PCBD2: variants seen among roughly 807,000 people sequenced by gnomAD.
PCBD2 encodes pterin-4-alpha-carbinolamine dehydratase 2.
PCBD2 carries 12 observed loss-of-function variants against 16.4 expected under a neutral mutation model. The observed-to-expected ratio is 0.73, with a 90% confidence interval of 0.47 to 1.19. The LOEUF is 1.19. PCBD2 is among the 50% of genes most tolerant of loss of function. The pLI is 0.00. For missense variants in PCBD2, 138 were observed against 156.8 expected, an observed-to-expected ratio of 0.88 and a Z score of 0.64; for synonymous variants, 58 against 61.8, an observed-to-expected ratio of 0.94 and a Z score of 0.29.
At chr5:134,955,982 T>G (rs990648658) in intron 2 of PCBD2, among the ~76,000 whole-genome samples, 1 of 152,244 alleles carries the variant, frequency 6.6e-6, no homozygotes, top group Non-Finnish European at 1.5e-5. Context: ...TCTTATTCAG[T>G]CATCTAAATT....
chr5:134,916,754 C>G (rs1328086834), intron 2 of PCBD2, among the ~76,000 whole-genome samples: 1 of 152,194 alleles, frequency 6.6e-6, no homozygotes, highest in African/African-American at 2.4e-5. Context: ...ATTCTCCTAG[C>G]ATAGGTGGAT....
At chr5:134,926,718 T>G (rs769864696) in intron 2 of PCBD2, 6 of 397,186 alleles carry the variant, frequency 1.5e-5, no homozygotes, top group Middle Eastern at 1.3e-3. Flanking sequence ...AGGGGATAGG[T>G]GTATGAACAT....
intron 2 of PCBD2, among the ~76,000 whole-genome samples, chr5:134,915,199 C>T (rs1464109498): frequency 6.6e-6 from 1 of 151,846 alleles, no homozygotes; most frequent in Non-Finnish European, 1.5e-5. Context: ...CCTGTAATCC[C>T]AGCTACTCAG....
At chr5:134,930,761 A>G (rs1320058786) in intron 2 of PCBD2, among the ~76,000 whole-genome samples, 3 of 152,132 alleles carry the variant, frequency 2.0e-5, no homozygotes, top group Admixed American at 6.5e-5. Context: ...AGTGGCAGAT[A>G]CTCGACCAAA....
chr5:134,929,994 C>T (rs995050209), intron 2 of PCBD2, among the ~76,000 whole-genome samples: 10 of 152,198 alleles, frequency 6.6e-5, no homozygotes, highest in Non-Finnish European at 1.2e-4. Context: ...GTTCCCAGCC[C>T]AGCCTTGTTT....
At chr5:134,928,370 G>T (rs775170628) in intron 2 of PCBD2, 1 of 372,660 alleles carries the variant, frequency 2.7e-6, no homozygotes, top group Non-Finnish European at 4.8e-6. Flanking sequence ...GAAATCATTC[G>T]TTTTGTTTGA....
At chr5:134,929,589 A>T (rs993539800) in intron 2 of PCBD2, among the ~76,000 whole-genome samples, 3 of 151,972 alleles carry the variant, frequency 2.0e-5, no homozygotes, top group Non-Finnish European at 4.4e-5. Flanking sequence ...CTTTATACAG[A>T]CCTGGTAGTC....
intron 2 of PCBD2, chr5:134,924,072 C>CA (rs1456073568): frequency 1.0e-5 from 4 of 396,950 alleles, no homozygotes; most frequent in Non-Finnish European, 1.8e-5. Context: ...AGTTGAAATA[C>CA]AATGATGGTT....
chr5:134,906,267 G>T (rs887391185), intron 1 of PCBD2, among the ~76,000 whole-genome samples: 4 of 137,840 alleles, frequency 2.9e-5, no homozygotes, highest in Middle Eastern at 3.6e-3. Flanking sequence ...GCAGTGGCGC[G>T]ATCTCGGCGT....
chr5:134,947,112 G>A (rs1336295093), intron 2 of PCBD2, among the ~76,000 whole-genome samples: 6 of 150,006 alleles, frequency 4.0e-5, no homozygotes, highest in Admixed American at 3.3e-4. Flanking sequence ...TTTTTTTTGA[G>A]ATGGAGTTTT....
chr5:134,958,099 G>A (rs1751435013), intron 2 of PCBD2, among the ~76,000 whole-genome samples: 1 of 152,116 alleles, frequency 6.6e-6, no homozygotes, highest in Non-Finnish European at 1.5e-5. Flanking sequence ...GGTGTAATGG[G>A]TATTGCCCTG....
In PCBD2 at chr5:134,923,992, C is replaced by A; in HGVS notation, c.216+13526C>A. 7.6e-6 allele frequency: 3 copies of A among 394,146 alleles called. No individual in the cohort carries two copies. The South Asian group carries it at 3.9e-4, about 52-fold the overall frequency. The allele number at this position is 394,146 out of a possible 1,614,324, so 24.4% of individuals were successfully genotyped here. On this transcript the variant is annotated intron_variant, in intron 2 of 3. Coordinates refer to ENST00000254908, the MANE Select transcript of PCBD2 (RefSeq NM_032151.5). ...GAGATATTGGATGGGGTGGGGAGGTCGATAAATGAGCGGTTAATTAATTTT... is the reference window on the plus strand; with the variant it reads ...GAGATATTGGATGGGGTGGGGAGGTAGATAAATGAGCGGTTAATTAATTTT...
intron 2 of PCBD2, among the ~76,000 whole-genome samples, chr5:134,917,277 G>A (rs1002248802): frequency 1.3e-5 from 2 of 152,252 alleles, no homozygotes; most frequent in Admixed American, 6.5e-5. Context: ...CAGGGCAGGA[G>A]CCCAGCCGGG....
chr5:134,958,981 C>A, intron 2 of PCBD2, 59 bp from the exon 3 acceptor site: 2 of 1,364,852 alleles, frequency 1.5e-6, no homozygotes, highest in Non-Finnish European at 1.0e-6. Flanking sequence ...TCTGTTGTGT[C>A]TCTCAGGCTT....
At chr5:134,951,293 A>G (rs1489321307) in intron 2 of PCBD2, among the ~76,000 whole-genome samples, 1 of 151,862 alleles carries the variant, frequency 6.6e-6, no homozygotes, top group Non-Finnish European at 1.5e-5. Flanking sequence ...TTATGCATAT[A>G]TTTTTTTTCA....
In PCBD2 at chr5:134,960,855, C is replaced by T. The variant is rs1751467316; in HGVS notation, c.*174C>T. The stretch of plus-strand genomic sequence containing the variant: ...GATCTCGGCTCACTGTAACCTCCGC[C>T]TCCCAGGTTCAGGTGATTCTCCTGC... On this transcript the variant is annotated 3_prime_UTR_variant, in exon 4 of 4. Coordinates refer to ENST00000254908, the MANE Select transcript of PCBD2 (RefSeq NM_032151.5). The T allele has an allele frequency of 3.9e-6, 2 of 513,046 alleles. No homozygotes were observed. Among genetic ancestry groups the T allele is most frequent in the Non-Finnish European group, 6.9e-6 (2 of 291,072 alleles). 31.8% of individuals were successfully genotyped at this position (513,046 alleles called of 1,614,324 possible). A position where few individuals can be genotyped will look rare whatever the true frequency, so the allele number is the denominator to read the frequency against.
intron 2 of PCBD2, among the ~76,000 whole-genome samples, chr5:134,945,243 C>A (rs996500864): frequency 6.6e-6 from 1 of 152,172 alleles, no homozygotes; most frequent in Non-Finnish European, 1.5e-5. Flanking sequence ...GCATGACTTT[C>A]CTCTGATGGG....
chr5:134,923,543 T>C (rs927082973), intron 2 of PCBD2: 2 of 311,694 alleles, frequency 6.4e-6, no homozygotes, highest in Non-Finnish European at 5.8e-6. Context: ...GACTATCTAC[T>C]GAGTAGCCTC....
At chr5:134,917,729 G>A (rs985924075) in intron 2 of PCBD2, among the ~76,000 whole-genome samples, 2 of 152,212 alleles carry the variant, frequency 1.3e-5, no homozygotes, top group Admixed American at 1.3e-4. Flanking sequence ...GGAGGGAGGA[G>A]GAGTTCTCTG....
Sources: gnomAD v4.1 joint callset for allele counts (sites outside exome capture counted in the v4.1 genomes callset) on GRCh38, gnomAD v4.1.1 for gene constraint, MANE v1.5 for transcripts, NCBI Gene and HGNC (gene_info 2026-07-23, HGNC 2026-07-21) for gene names.